Variants in AGBL1 observed in about 807,000 individuals in gnomAD.
The protein encoded by AGBL1 is AGBL carboxypeptidase 1.
AGBL1 carries 130 observed loss-of-function variants against 118.9 expected under a neutral mutation model. That is an observed-to-expected ratio of 1.09 (90% confidence interval 0.95 to 1.26). The LOEUF is 1.26. AGBL1 is among the 50% of genes most tolerant of loss of function. The pLI is 0.00. For missense variants in AGBL1, 1,584 were observed against 1,298.1 expected (o/e 1.22, Z -3.38); for synonymous variants, 555 against 478.9 (o/e 1.16, Z -2.08).
intron 5 of AGBL1, among the ~76,000 whole-genome samples, chr15:86,174,482 C>A (rs182382879): frequency 3.9e-5 from 6 of 152,194 alleles, no homozygotes; most frequent in Admixed American, 2.6e-4. Context: ...ACTGTCAGTA[C>A]TATGTTGAGT....
At chr15:86,677,715 G>A (rs139218929) in intron 22 of AGBL1, among the ~76,000 whole-genome samples, 92 of 152,214 alleles carry the variant, frequency 6.0e-4, no homozygotes, top group African/African-American at 2.1e-3. Flanking sequence ...TAGTCCTGTT[G>A]CTTTAGCCTG....
intron 18 of AGBL1, among the ~76,000 whole-genome samples, chr15:86,444,716 C>A (rs1471225478): frequency 6.6e-6 from 1 of 152,124 alleles, no homozygotes; most frequent in African/African-American, 2.4e-5. Flanking sequence ...AGCACCAGGG[C>A]CAGCACCTCA....
At chr15:86,269,839 G>T in intron 13 of AGBL1, 80 bp from the exon 14 acceptor site, 2 of 1,493,370 alleles carry the variant, frequency 1.3e-6, no homozygotes, top group South Asian at 2.6e-5. Context: ...CCCAGAAACT[G>T]AAACGTGTAG....
chr15:86,474,788 C>A (rs942955146), intron 18 of AGBL1, among the ~76,000 whole-genome samples: 1 of 152,200 alleles, frequency 6.6e-6, no homozygotes, highest in Non-Finnish European at 1.5e-5. Flanking sequence ...TCAAGTGGGT[C>A]CCTGATCCTT....
intron 24 of AGBL1, among the ~76,000 whole-genome samples, chr15:87,009,456 G>C (rs907800036): frequency 2.0e-5 from 3 of 152,230 alleles, no homozygotes; most frequent in Non-Finnish European, 4.4e-5. Flanking sequence ...TGCAGGAGCA[G>C]GGCCTCATGG....
intron 22 of AGBL1, among the ~76,000 whole-genome samples, chr15:86,824,685 A>G (rs1240767064): frequency 6.6e-6 from 1 of 152,158 alleles, no homozygotes; most frequent in African/African-American, 2.4e-5. Flanking sequence ...ACTTGAGCTT[A>G]ATTTATAGCT....
intron 1 of AGBL1, among the ~76,000 whole-genome samples, chr15:86,080,616 G>A (rs1486469940): frequency 6.6e-6 from 1 of 152,144 alleles, no homozygotes; most frequent in Non-Finnish European, 1.5e-5. Context: ...TCCTAATTTT[G>A]AGAATTCTTG....
intron 17 of AGBL1, among the ~76,000 whole-genome samples, chr15:86,338,707 A>G (rs753318606): frequency 3.9e-5 from 6 of 152,152 alleles, no homozygotes; most frequent in Non-Finnish European, 7.4e-5. Flanking sequence ...GATGACTCCC[A>G]GGATAAATGG....
At chr15:86,236,903 G>T (rs1284688538) in intron 6 of AGBL1, among the ~76,000 whole-genome samples, 1 of 139,668 alleles carries the variant, frequency 7.2e-6, no homozygotes, top group African/African-American at 2.7e-5. Flanking sequence ...AGGGTACCCT[G>T]ATGTTCCACA....
intron 1 of AGBL1, chr15:86,083,409 T>A: frequency 6.6e-6 from 1 of 152,362 alleles, no homozygotes; most frequent in South Asian, 2.1e-4. Context: ...TTTGGCACAC[T>A]CTGCACTGTG....
chr15:86,442,605 T>C (rs369862677), intron 18 of AGBL1, among the ~76,000 whole-genome samples: 1 of 152,292 alleles, frequency 6.6e-6, no homozygotes, highest in Non-Finnish European at 1.5e-5. Context: ...CAATCCACCA[T>C]TGTGGCTCAA....
chr15:86,085,926 T>C (rs571662544), intron 1 of AGBL1, among the ~76,000 whole-genome samples: 3 of 152,318 alleles, frequency 2.0e-5, no homozygotes, highest in Non-Finnish European at 4.4e-5. Context: ...TTGAGAGCAG[T>C]TGGCATTTCC....
chr15:86,639,920 C>A (rs2085163605), intron 21 of AGBL1, among the ~76,000 whole-genome samples: 1 of 152,178 alleles, frequency 6.6e-6, no homozygotes, highest in Non-Finnish European at 1.5e-5. Flanking sequence ...TCCTTATCTT[C>A]TGCTTTCTTG....
intron 22 of AGBL1, among the ~76,000 whole-genome samples, chr15:86,843,714 A>G (rs1182753020): frequency 6.6e-6 from 1 of 152,044 alleles, no homozygotes; most frequent in Non-Finnish European, 1.5e-5. Context: ...TATACTGAAG[A>G]TTTTTTTTAG....
chr15:86,759,817 A>C, intron 22 of AGBL1, among the ~76,000 whole-genome samples: 1 of 152,280 alleles, frequency 6.6e-6, no homozygotes. Context: ...TTTGGCAACA[A>C]TAGAAACATT....
At chr15:86,092,249 C>T (rs777919652) in intron 1 of AGBL1, among the ~76,000 whole-genome samples, 1 of 152,116 alleles carries the variant, frequency 6.6e-6, no homozygotes, top group Middle Eastern at 3.2e-3. Context: ...GATTTGTCCA[C>T]AACTAGATTG....
At chr15:86,113,527 C>T (rs1300255483) in intron 1 of AGBL1, among the ~76,000 whole-genome samples, 1 of 152,000 alleles carries the variant, frequency 6.6e-6, no homozygotes, top group Non-Finnish European at 1.5e-5. Context: ...TTCAGGTGGT[C>T]CACCTGCCTT....
chr15:86,373,479 G>T (rs1442333374), intron 17 of AGBL1, among the ~76,000 whole-genome samples: 1 of 152,164 alleles, frequency 6.6e-6, no homozygotes, highest in African/African-American at 2.4e-5. Flanking sequence ...TTGGATGAGG[G>T]TTTTAGAAAG....
rs1778308906 is a variant in AGBL1, at chr15:86,907,987, C to T, written c.*693C>T. 1 of 152,156 alleles carries T rather than the reference C, an allele frequency of 6.6e-6. No individual in the cohort carries two copies. The highest frequency in any genetic ancestry group is 1.5e-5 in the Non-Finnish European group (1 of 68,030). The allele number at this position is 152,156 out of a possible 1,614,324, so 9.4% of individuals were successfully genotyped here. ...GATCCTATGTATTCAGATCACCAAA[C>T]ATAATGCTAGGAAGTACCAGACCTA... is the stretch of plus-strand genomic sequence containing the variant. On this transcript the variant is annotated 3_prime_UTR_variant, in exon 23 of 23. Coordinates refer to ENST00000614907, the MANE Select transcript of AGBL1 (RefSeq NM_001386094.1).
Sources: gnomAD v4.1 joint callset for allele counts (sites outside exome capture counted in the v4.1 genomes callset) on GRCh38, gnomAD v4.1.1 for gene constraint, MANE v1.5 for transcripts, NCBI Gene and HGNC (gene_info 2026-07-23, HGNC 2026-07-21) for gene names.